Variants in MYO1G observed in about 807,000 individuals in gnomAD.
MYO1G encodes myosin IG.
Under a neutral mutation model 115.3 loss-of-function variants are expected in MYO1G, and 65 were observed. The observed-to-expected ratio is 0.56, with a 90% CI of 0.46 to 0.69. The LOEUF (loss-of-function observed/expected upper bound fraction) is 0.69. Ranked by LOEUF, MYO1G falls within the 30% of genes least tolerant of loss-of-function variation. The pLI is 0.00. For missense variants in MYO1G, 1,204 were observed against 1,393.5 expected (o/e 0.86, Z 2.16); for synonymous variants, 510 against 552.6 (o/e 0.92, Z 1.08).
At position 44,966,220 on chromosome 7, in the gene MYO1G, G is replaced by C. The variant is rs767455692; in HGVS notation, c.2010C>G (p.Ala670=). ...PNHLLGSDKA[A]VSALLEQHGL... is the part of the protein sequence containing the mutation. The stretch of plus-strand genomic sequence containing the variant: ...CGTGCTGCTCCAGGAGAGCGCTCAC[G>C]GCTGCCTTGTCGGAGCCCAGCAGGT... Residue 670 remains alanine, a synonymous_variant, in exon 16 of 22, where the codon GCC becomes GCG. Coordinates refer to ENST00000258787, the MANE Select transcript of MYO1G (RefSeq NM_033054.3). This position sits in a 1 kb window ranked among gnomAD's most constrained non-coding sequence, Gnocchi z 5.0. 5 of 1,612,188 alleles carry C rather than the reference G, an allele frequency of 3.1e-6. 1 individual carries two copies. In the South Asian group the frequency reaches 4.4e-5, roughly 14 times the overall value.
chr7:44,975,781 C>A, intron 3 of MYO1G, 132 bp from the exon 4 acceptor site: 1 of 1,051,462 alleles, frequency 9.5e-7, no homozygotes. Flanking sequence ...TGAGAGGGAA[C>A]CAATGGCCTG....
Position 44,964,790 on chromosome 7 carries a change from C to A in MYO1G, c.2526+155G>T, listed in dbSNP as rs1794809590. On this transcript the variant is annotated intron_variant, in intron 18 of 21. Transcript: ENST00000258787. This position sits in a 1 kb window ranked among gnomAD's most constrained non-coding sequence, Gnocchi z 5.1. ...TCCTGAAGCCCAGGATGAGACCTTG[C>A]AGAGCTCTGGTGGGGGCTGAGGTAC... Among the ~76,000 whole-genome samples, 1 of 152,184 alleles carries A rather than the reference C, an allele frequency of 6.6e-6. No homozygotes were observed. The highest frequency in any genetic ancestry group is 1.5e-5 in the Non-Finnish European group (1 of 68,024).
chr7:44,977,603 G>A (rs59388988), intron 1 of MYO1G, among the ~76,000 whole-genome samples: 4 of 143,308 alleles, frequency 2.8e-5, no homozygotes, highest in Admixed American at 1.4e-4. Context: ...TTACACCCCC[G>A]ACCCCCCAGC....
At position 44,977,006 on chromosome 7, in the gene MYO1G, T is replaced by C; in HGVS notation, c.161A>G (p.Glu54Gly). ...EVLVSVNPYQ[E>G]LPLYGPEAIA... ...GGCCTCAGGCCCATACAGGGGCAGC[T>C]CCTGGTAGGGGTTCACGGACACCAG... Residue 54 changes from glutamate (E) to glycine (G), a missense_variant, in exon 2 of 22, where the codon GAG becomes GGG. Glu to Gly is a moderately conservative substitution (Grantham distance 98). Coordinates refer to ENST00000258787, the MANE Select transcript of MYO1G (RefSeq NM_033054.3). 2 of 1,613,652 alleles carry C rather than the reference T, an allele frequency of 1.2e-6. No homozygotes were observed. The highest frequency in any genetic ancestry group is 2.7e-5 in the African/African-American group (2 of 75,048).
rs1256080545 is a variant in MYO1G, at chr7:44,969,462, T to C, written c.1525A>G (p.Met509Val). The change falls in exon 12 of 22, where the codon ATG (methionine) becomes GTG (valine). Residue 509 changes from methionine to valine, a missense_variant. Coordinates refer to ENST00000258787, the MANE Select transcript of MYO1G (RefSeq NM_033054.3). This position sits in a 1 kb window ranked among gnomAD's most constrained non-coding sequence, Gnocchi z 5.0. ...ATCCGGAAGTCTCGGCCAAACTCCATGGTCTTGTCTGTGGGGCAGAGCTAT... is the reference window on the plus strand; with the variant it reads ...ATCCGGAAGTCTCGGCCAAACTCCACGGTCTTGTCTGTGGGGCAGAGCTAT... ...SRQLCPTDKT[M>V]EFGRDFRIKH... 1 of 1,613,760 alleles carries C rather than the reference T, an allele frequency of 6.2e-7. No homozygotes were observed. The highest frequency in any genetic ancestry group is 8.5e-7 in the Non-Finnish European group (1 of 1,179,994).
At position 44,964,961 on chromosome 7, in the gene MYO1G, C is replaced by T. The variant is rs751614152; in HGVS notation, c.2510G>A (p.Arg837Gln). The T allele has an allele frequency of 4.1e-5, 65 of 1,600,654 alleles. No individual in the cohort carries two copies. Among genetic ancestry groups the T allele is most frequent in the African/African-American group, 5.3e-5 (4 of 74,806 alleles). Residue 837 changes from arginine (R) to glutamine (Q), a missense_variant, in exon 18 of 22, where the codon CGA becomes CAA. Coordinates refer to ENST00000258787, the MANE Select transcript of MYO1G (RefSeq NM_033054.3). This position sits in a 1 kb window ranked among gnomAD's most constrained non-coding sequence, Gnocchi z 5.1. ...GGCACTTACAGAGGACAGGTAGTCT[C>T]GGGCCCAGGCCCGTCGGCAGCCCCA... ...QDWGCRRAWARDYLSSATDNP... is the reference protein window; with the variant it reads ...QDWGCRRAWAQDYLSSATDNP...
chr7:44,972,850 C>T (rs1004182100), intron 5 of MYO1G: 3 of 152,356 alleles, frequency 2.0e-5, no homozygotes, highest in Non-Finnish European at 4.4e-5. Context: ...GAGACACTGC[C>T]TGTGTCCCAA....
Position 44,969,105 on chromosome 7 carries a change from A to C in MYO1G, c.1574+308T>G, listed in dbSNP as rs1794905251. The C allele has an allele frequency of 8.1e-5, 19 of 235,318 alleles. No individual in the cohort carries two copies. Among genetic ancestry groups the C allele is most frequent in the East Asian group, 2.0e-4 (2 of 9,806 alleles). 14.6% of individuals were successfully genotyped at this position (235,318 alleles called of 1,614,324 possible). On this transcript the variant is annotated intron_variant, in intron 12 of 21. Coordinates refer to ENST00000258787, the MANE Select transcript of MYO1G (RefSeq NM_033054.3). The surrounding 1 kb of genome is among the most constrained non-coding windows in gnomAD (Gnocchi z 5.0). Reference sequence around the variant, plus strand: ...CCTTCCACTCCCTCCCCACCCCCACATCACCAGCCTGAAGCCCCCCACCCC... The same window carrying C: ...CCTTCCACTCCCTCCCCACCCCCACCTCACCAGCCTGAAGCCCCCCACCCC...
chr7:44,970,302 C>G, intron 9 of MYO1G, 148 bp from the exon 10 acceptor site: 1 of 714,252 alleles, frequency 1.4e-6, no homozygotes, highest in South Asian at 1.7e-5. Flanking sequence ...CTTATGCATC[C>G]CTGCCCTGGA....
intron 5 of MYO1G, chr7:44,974,705 C>T (rs6976664): frequency 0.16 from 29,625 of 182,180 alleles, 3,185 homozygotes; most frequent in Non-Finnish European, 0.21. Context: ...TGTTTGTTTC[C>T]AGGGAGCTCC....
At chr7:44,976,004 G>A (rs1481312801) in intron 3 of MYO1G, among the ~76,000 whole-genome samples, 1 of 152,232 alleles carries the variant, frequency 6.6e-6, no homozygotes, top group Non-Finnish European at 1.5e-5. Context: ...CCAGCTGCAG[G>A]GGTGGGCAGT....
In MYO1G at chr7:44,971,705, C is replaced by A; in HGVS notation, c.814G>T (p.Val272Leu). The A allele has an allele frequency of 6.4e-7, 1 of 1,557,894 alleles. No homozygotes were observed. Among genetic ancestry groups the A allele is most frequent in the Non-Finnish European group, 8.7e-7 (1 of 1,150,422 alleles). The change falls in exon 7 of 22, where the codon GTG becomes TTG. Residue 272 changes from valine to leucine, a missense_variant. Val to Leu is a conservative substitution (Grantham distance 32). Coordinates refer to ENST00000258787, the MANE Select transcript of MYO1G (RefSeq NM_033054.3). Reference sequence around the variant, plus strand: ...AATATGGCAGCCAGGATGCGATGCACAGACTCCACCTCTTCAGGACTGAAG... The same window carrying A: ...AATATGGCAGCCAGGATGCGATGCAAAGACTCCACCTCTTCAGGACTGAAG... The part of the protein sequence containing the change: ...IGFSPEEVES[V>L]HRILAAILHL...
rs894310391 is a variant in MYO1G at position 44,969,628 on chromosome 7, C to A, written c.1503+77G>T. 2.5e-6 allele frequency: 4 copies of A among 1,586,956 alleles called. No homozygotes were observed. The highest frequency in any genetic ancestry group is 1.3e-5 in the African/African-American group (1 of 74,446). On this transcript the variant is annotated intron_variant, in intron 11 of 21. Transcript: ENST00000258787. This position sits in a 1 kb window ranked among gnomAD's most constrained non-coding sequence, Gnocchi z 5.0. The stretch of plus-strand genomic sequence containing the variant: ...AAGCTGGGTCCCCAACCAGGCCCCA[C>A]GAGGCATGGGCAGCATGGTGCCTGT...
Position 44,969,665 on chromosome 7 carries a change from C to T in MYO1G, c.1503+40G>A, listed in dbSNP as rs1467643427. ...AGCATGGTGCCTGTGGGGCAGGTCC[C>T]ACCAGCCCACTGTGGTGGCACTGGG... On this transcript the variant is annotated intron_variant, in intron 11 of 21. Coordinates refer to ENST00000258787, the MANE Select transcript of MYO1G (RefSeq NM_033054.3). The surrounding 1 kb of genome is among the most constrained non-coding windows in gnomAD (Gnocchi z 5.0). 3.1e-6 allele frequency: 5 copies of T among 1,605,508 alleles called. No individual in the cohort carries two copies. Among genetic ancestry groups the T allele is most frequent in the Non-Finnish European group, 4.2e-6 (5 of 1,176,752 alleles).
Position 44,972,154 on chromosome 7 carries a change from GAA to G in MYO1G, c.688_689del (p.Phe230HisfsTer18). On this transcript the variant is annotated frameshift_variant, in exon 6 of 22. Coordinates refer to ENST00000258787, the MANE Select transcript of MYO1G (RefSeq NM_033054.3). LOFTEE classifies it high-confidence loss of function. ...HLERNPAVYNFTHQGAGLNMT... is the reference protein window; with the variant it reads ...HLERNPAVYNXTHQGAGLNMT... ...TGTTGAGTCCTGCTCCCTGGTGTGT[GAA>G]ATTGTATACAGCAGGGTTTCTCTCC... 6.2e-7 allele frequency: 1 copy of G among 1,614,130 alleles called. No individual in the cohort carries two copies. The highest frequency in any genetic ancestry group is 8.5e-7 in the Non-Finnish European group (1 of 1,180,012).
Position 44,965,633 on chromosome 7 carries a change from G to A in MYO1G, c.2381+4C>T. 6.2e-7 allele frequency: 1 copy of A among 1,611,362 alleles called. No homozygotes were observed. On this transcript the variant is annotated splice_donor_region_variant and intron_variant, in intron 17 of 21. Coordinates refer to ENST00000258787, the MANE Select transcript of MYO1G (RefSeq NM_033054.3). Reference sequence around the variant, plus strand: ...TGGAATGTGTGGTGGGCTGAGAGTAGTACCTGCAGAAGAGTGCGTGGCAGG... The same window carrying A: ...TGGAATGTGTGGTGGGCTGAGAGTAATACCTGCAGAAGAGTGCGTGGCAGG...
Position 44,976,611 on chromosome 7 carries a change from C to T in MYO1G, c.351G>A (p.Gln117=), listed in dbSNP as rs756714543. 1.9e-6 allele frequency: 3 copies of T among 1,614,152 alleles called. No individual in the cohort carries two copies. The highest frequency in any genetic ancestry group is 8.5e-7 in the Non-Finnish European group (1 of 1,180,018). ...TTGGATTGGTGACAGCAGCGATGTA[C>T]TGCATGATGTGCTTACTGGCTTCTG... The part of the protein sequence containing the change: ...GKTEASKHIM[Q]YIAAVTNPSQ... Residue 117 remains glutamine, a synonymous_variant, in exon 3 of 22, where the codon CAG becomes CAA. Transcript: ENST00000258787.
At chr7:44,972,558 T>G in intron 5 of MYO1G, 1 of 320,538 alleles carries the variant, frequency 3.1e-6, no homozygotes, top group Non-Finnish European at 6.1e-6. Flanking sequence ...GCTCAGAGTA[T>G]GTGGAGACAC....
In MYO1G at chr7:44,969,718, T is replaced by C. The variant is rs750824729; in HGVS notation, c.1490A>G (p.Tyr497Cys). 9.9e-6 allele frequency: 16 copies of C among 1,611,312 alleles called. No individual in the cohort carries two copies. Among genetic ancestry groups the C allele is most frequent in the Non-Finnish European group, 1.4e-5 (16 of 1,179,886 alleles). ...AGCCGGGGGCACCTGGCGGCTGGTG[T>C]AGTGTAGGTGATGGCGGTGGTGCAT... Reference protein sequence around the residue: ...LDMHHRHHLHYTSRQLCPTDK... With the variant: ...LDMHHRHHLHCTSRQLCPTDK... Residue 497 changes from tyrosine to cysteine, a missense_variant, in exon 11 of 22, where the codon TAC (tyrosine) becomes TGC (cysteine). Coordinates refer to ENST00000258787, the MANE Select transcript of MYO1G (RefSeq NM_033054.3). The surrounding 1 kb of genome is among the most constrained non-coding windows in gnomAD (Gnocchi z 5.0).
Sources: gnomAD v4.1 joint callset for allele counts (sites outside exome capture counted in the v4.1 genomes callset) on GRCh38, gnomAD v4.1.1 for gene constraint, Gnocchi (gnomAD v3.1) non-coding constraint, MANE v1.5 for transcripts, NCBI Gene and HGNC (gene_info 2026-07-23, HGNC 2026-07-21) for gene names.